NDUFB5: variants seen among roughly 807,000 people sequenced by gnomAD.
NDUFB5 encodes the protein NADH dehydrogenase [ubiquinone] 1 beta subcomplex subunit 5, mitochondrial.
Under a neutral mutation model 19.4 loss-of-function variants are expected in NDUFB5, and 19 were observed. The observed-to-expected ratio is 0.98, with a 90% CI of 0.68 to 1.43. NDUFB5 has a LOEUF of 1.43. Among genes scored for constraint, NDUFB5 ranks in the 40% most tolerant of loss-of-function variants. The probability of loss-of-function intolerance (pLI) is 0.00; values close to 1 mark genes in which losing one functional copy is unlikely to be tolerated. For missense variants in NDUFB5, 233 were observed against 236.5 expected, an observed-to-expected ratio of 0.99 and a Z score of 0.10; for synonymous variants, 80 against 82.6, an observed-to-expected ratio of 0.97 and a Z score of 0.17.
At position 179,626,846 on chromosome 3, in the gene NDUFB5, C is replaced by G. The variant is rs1437685849; in HGVS notation, c.*2806C>G. The G allele has an allele frequency of 6.6e-6, 1 of 152,068 alleles. No homozygotes were observed. Among genetic ancestry groups the G allele is most frequent in the Admixed American group, 6.6e-5 (1 of 15,232 alleles). The allele number at this position is 152,068 out of a possible 1,614,324, so 9.4% of individuals were successfully genotyped here. On this transcript the variant is annotated 3_prime_UTR_variant, in exon 6 of 6. Coordinates refer to ENST00000259037, the MANE Select transcript of NDUFB5 (RefSeq NM_002492.4). Reference sequence around the variant, plus strand: ...GCGCCCAGCCTGTCCATTTTTTAATCAGGTTATGGGTTTTTTGCTATTGAA... The same window carrying G: ...GCGCCCAGCCTGTCCATTTTTTAATGAGGTTATGGGTTTTTTGCTATTGAA...
rs373745197 is a variant in NDUFB5, at chr3:179,618,486, C to T, written c.414C>T (p.Ala138=). 17 of 1,612,336 alleles carry T rather than the reference C, an allele frequency of 1.1e-5. No individual in the cohort carries two copies. In the South Asian group the frequency reaches 1.3e-4, roughly 13 times the overall value. Residue 138 remains alanine, a synonymous_variant, in exon 5 of 6, where the codon GCC becomes GCT. Transcript: ENST00000259037. ...AAAAGATATATGAAAGAACAATGGCCGTCCTTCAGATTGAAGCTGAAAAGG... is the reference window on the plus strand; with the variant it reads ...AAAAGATATATGAAAGAACAATGGCTGTCCTTCAGATTGAAGCTGAAAAGG... ...SPEKIYERTM[A]VLQIEAEKAE...
chr3:179,624,162 T>C lies in NDUFB5; in HGVS notation c.*122T>C. On this transcript the variant is annotated 3_prime_UTR_variant, in exon 6 of 6. Transcript: ENST00000259037. ...CCTCTGACATTACTGTCTCTCAGTGTTGGTTCAGATTGAGGCTTTTGTTTG... is the reference window on the plus strand; with the variant it reads ...CCTCTGACATTACTGTCTCTCAGTGCTGGTTCAGATTGAGGCTTTTGTTTG... 1 of 880,850 alleles carries C rather than the reference T, an allele frequency of 1.1e-6. No individual in the cohort carries two copies. The highest frequency in any genetic ancestry group is 3.0e-5 in the East Asian group (1 of 33,328). The allele number at this position is 880,850 out of a possible 1,614,324, so 54.6% of individuals were successfully genotyped here.
chr3:179,622,515 A>G (rs796522134), intron 5 of NDUFB5, among the ~76,000 whole-genome samples: 1 of 152,288 alleles, frequency 6.6e-6, no homozygotes, highest in African/African-American at 2.4e-5. Context: ...AAAACATAAC[A>G]GTATATGTAG....
At chr3:179,622,693 G>A (rs1719571093) in intron 5 of NDUFB5, among the ~76,000 whole-genome samples, 1 of 152,226 alleles carries the variant, frequency 6.6e-6, no homozygotes, top group East Asian at 1.9e-4. Flanking sequence ...GAAAGAGAAC[G>A]TTATTTAATC....
At chr3:179,605,649 A>C (rs1719071121) in intron 1 of NDUFB5, among the ~76,000 whole-genome samples, 1 of 152,064 alleles carries the variant, frequency 6.6e-6, no homozygotes, top group African/African-American at 2.4e-5. Flanking sequence ...AAAAAACCAT[A>C]ATGTTTATGA....
Position 179,624,361 on chromosome 3 carries a change from T to A in NDUFB5, c.*321T>A, listed in dbSNP as rs2108405896. The A allele has an allele frequency of 9.5e-6, 2 of 210,528 alleles. No homozygotes were observed. The highest frequency in any genetic ancestry group is 1.7e-4 in the South Asian group (2 of 11,604). 13.0% of individuals were successfully genotyped at this position (210,528 alleles called of 1,614,324 possible). A position where few individuals can be genotyped will look rare whatever the true frequency, so the allele number is the denominator to read the frequency against. On this transcript the variant is annotated 3_prime_UTR_variant, in exon 6 of 6. Coordinates refer to ENST00000259037, the MANE Select transcript of NDUFB5 (RefSeq NM_002492.4). ...ATGTTAAGCACCAGTAATTATAGTA[T>A]TTTGTACAAATGCCTGTACTGTAGA...
intron 3 of NDUFB5, 104 bp downstream of exon 3, chr3:179,616,153 C>G: frequency 1.2e-6 from 1 of 835,304 alleles, no homozygotes; most frequent in Non-Finnish European, 1.9e-6. Flanking sequence ...ATGAAAAGCT[C>G]TTTAAATAAT....
At chr3:179,607,610 C>G in intron 1 of NDUFB5, 1 of 536,886 alleles carries the variant, frequency 1.9e-6, no homozygotes, top group East Asian at 3.2e-5. Context: ...CTATTTTAAC[C>G]ATTTTTAAGT....
In NDUFB5 at chr3:179,604,908, C is replaced by T. The variant is rs1255322301; in HGVS notation, c.93C>T (p.Gly31=). ...TTGGCACTCGCCTCGGATTTGGGGGCTTCCTCACTCGTGGCTTTCCGAAGG... is the reference window on the plus strand; with the variant it reads ...TTGGCACTCGCCTCGGATTTGGGGGTTTCCTCACTCGTGGCTTTCCGAAGG... ...RPLGTRLGFG[G]FLTRGFPKAA... The change falls in exon 1 of 6, where the codon GGC becomes GGT. Residue 31 remains glycine, a synonymous_variant. Coordinates refer to ENST00000259037, the MANE Select transcript of NDUFB5 (RefSeq NM_002492.4). The T allele has an allele frequency of 2.5e-6, 4 of 1,590,054 alleles. No homozygotes were observed. The highest frequency in any genetic ancestry group is 2.3e-5 in the South Asian group (2 of 87,998).
chr3:179,623,568 G>T (rs1719589255), intron 5 of NDUFB5, among the ~76,000 whole-genome samples: 1 of 152,150 alleles, frequency 6.6e-6, no homozygotes, highest in Non-Finnish European at 1.5e-5. Context: ...CAGCTACTTG[G>T]GAGGCTGAGG....
intron 5 of NDUFB5, among the ~76,000 whole-genome samples, chr3:179,619,870 G>A (rs556128536): frequency 5.3e-4 from 81 of 152,224 alleles, no homozygotes; most frequent in Non-Finnish European, 9.6e-4. Context: ...GTTGTTTCCT[G>A]ACTTTTTAAT....
intron 1 of NDUFB5, among the ~76,000 whole-genome samples, chr3:179,608,642 GACTA>G (rs1232782126): frequency 5.3e-5 from 8 of 152,044 alleles, no homozygotes; most frequent in Non-Finnish European, 7.4e-5. Flanking sequence ...AGACAAAAGT[GACTA>G]ACTTTTTAAA....
At chr3:179,612,475 C>CTTTTT (rs760879075) in intron 1 of NDUFB5, among the ~76,000 whole-genome samples, 2 of 122,860 alleles carry the variant, frequency 1.6e-5, no homozygotes, top group Non-Finnish European at 1.7e-5. Context: ...TGCATTAAAC[C>CTTTTT]TTTTTTTTTT....
At chr3:179,616,914 T>G (rs1392023747) in intron 3 of NDUFB5, 69 bp from the exon 4 acceptor site, 1 of 1,245,458 alleles carries the variant, frequency 8.0e-7, no homozygotes, top group Non-Finnish European at 1.2e-6. Flanking sequence ...GTTTCTTACT[T>G]TAATGGTGAA....
At chr3:179,618,712 G>T (rs967215551) in intron 5 of NDUFB5, among the ~76,000 whole-genome samples, 191 bp downstream of exon 5, 2 of 152,124 alleles carry the variant, frequency 1.3e-5, no homozygotes, top group Non-Finnish European at 2.9e-5. Flanking sequence ...TTAGCCGGGC[G>T]TGGTGGTACG....
intron 1 of NDUFB5, chr3:179,607,851 T>G: frequency 1.4e-6 from 1 of 699,822 alleles, no homozygotes; most frequent in Non-Finnish European, 2.6e-6. Flanking sequence ...TCACTTAGCA[T>G]AATATCCCCA....
In NDUFB5 at chr3:179,607,876, C is replaced by T. The variant is rs781580437; in HGVS notation, c.124+2937C>T. ...TAATATCCCCAAGGCATATTTATGT[C>T]GTAGCATATGTCAGAATTTCCTTCC... is the stretch of plus-strand genomic sequence containing the variant. On this transcript the variant is annotated intron_variant, in intron 1 of 5. Coordinates refer to ENST00000259037, the MANE Select transcript of NDUFB5 (RefSeq NM_002492.4). 52 of 687,252 alleles carry T rather than the reference C, an allele frequency of 7.6e-5. No homozygotes were observed. In the Middle Eastern group the frequency reaches 1.9e-3, roughly 25 times the overall value. The allele number at this position is 687,252 out of a possible 1,614,324, so 42.6% of individuals were successfully genotyped here.
rs752365229 is a variant in NDUFB5 at position 179,624,043 on chromosome 3, A to AT, written c.*10dup. ...CGAAAGCAACTCCTGACAATTAAGC[A>AT]TTTTTTTCTCCAAATACAAAGTATA... On this transcript the variant is annotated 3_prime_UTR_variant, in exon 6 of 6. Coordinates refer to ENST00000259037, the MANE Select transcript of NDUFB5 (RefSeq NM_002492.4). 32 of 1,611,754 alleles carry AT rather than the reference A, an allele frequency of 2.0e-5. No homozygotes were observed. Among genetic ancestry groups the AT allele is most frequent in the Non-Finnish European group, 2.7e-5 (32 of 1,178,492 alleles).
intron 1 of NDUFB5, among the ~76,000 whole-genome samples, chr3:179,608,196 T>C (rs979086850): frequency 4.6e-5 from 7 of 151,862 alleles, no homozygotes; most frequent in Non-Finnish European, 8.8e-5. Flanking sequence ...TTGTTTTGTT[T>C]TGTTTTTTTT....
Sources: gnomAD v4.1 joint callset for allele counts (sites outside exome capture counted in the v4.1 genomes callset) on GRCh38, gnomAD v4.1.1 for gene constraint, MANE v1.5 for transcripts, NCBI Gene and HGNC (gene_info 2026-07-23, HGNC 2026-07-21) for gene names.